The following ADRA1A variants were observed in gnomAD, a reference collection of about 807,000 sequenced individuals.
ADRA1A encodes the protein adrenoceptor alpha 1A, also known as alpha-1A adrenergic receptor.
In ADRA1A, 31 loss-of-function variants were observed where a neutral mutation model predicts 29.6. That is an observed-to-expected ratio of 1.05 (90% confidence interval 0.79 to 1.41). ADRA1A has a LOEUF of 1.41. ADRA1A is among the 40% of genes most tolerant of loss of function. The pLI, the probability that ADRA1A is intolerant of heterozygous loss-of-function variation, is 0.00. For missense variants in ADRA1A, 619 were observed against 601.1 expected (o/e 1.03, Z -0.31); for synonymous variants, 311 against 254.3 (o/e 1.22, Z -2.12).
chr8:26,854,587 G>C (rs1036278759), intron 2 of ADRA1A: 1 of 152,256 alleles, frequency 6.6e-6, no homozygotes, highest in African/African-American at 2.4e-5. Context: ...CTGAGACTGG[G>C]ATGGAAACAT....
Position 26,770,195 on chromosome 8 carries a change from A to T in ADRA1A, c.1355T>A (p.Ile452Asn), listed in dbSNP as rs1357081338. The T allele has an allele frequency of 6.3e-7, 1 of 1,592,340 alleles. No individual in the cohort carries two copies. Among genetic ancestry groups the T allele is most frequent in the Admixed American group, 1.7e-5 (1 of 58,742 alleles). ...SLDKNHQVPTIKVHTISLSEN... is the reference protein window; with the variant it reads ...SLDKNHQVPTNKVHTISLSEN... ...ACTGAGGGAGATGGTGTGGACCTTA[A>T]TGGTTGGAACTTGATGGTTCTTGTC... The change falls in exon 3 of 3, where the codon ATT (isoleucine) becomes AAT (asparagine). Residue 452 changes from isoleucine (I) to asparagine (N), a missense_variant. Transcript: ENST00000380573.
intron 2 of ADRA1A, among the ~76,000 whole-genome samples, chr8:26,843,582 T>C (rs1811988469): frequency 6.6e-6 from 1 of 152,208 alleles, no homozygotes; most frequent in South Asian, 2.1e-4. Context: ...TAAAACTATG[T>C]AGACAAAATT....
intron 2 of ADRA1A, among the ~76,000 whole-genome samples, chr8:26,819,626 C>T (rs1810016498): frequency 6.6e-6 from 1 of 151,696 alleles, no homozygotes; most frequent in South Asian, 2.1e-4. Flanking sequence ...TTAGTAGATA[C>T]ACAGAAGATA....
intron 2 of ADRA1A, among the ~76,000 whole-genome samples, chr8:26,835,604 G>C (rs1811290120): frequency 6.6e-6 from 1 of 152,036 alleles, no homozygotes; most frequent in Non-Finnish European, 1.5e-5. Flanking sequence ...AATAGCATGG[G>C]GGAAACTGCC....
intron 2 of ADRA1A, among the ~76,000 whole-genome samples, chr8:26,861,815 G>A (rs958042080): frequency 6.6e-6 from 1 of 152,038 alleles, no homozygotes; most frequent in Admixed American, 6.6e-5. Flanking sequence ...AACTTTACCT[G>A]TAAAATAAGT....
rs1806019636 is a variant in ADRA1A, at chr8:26,770,047, TTTGA to T, written c.*98_*101del. On this transcript the variant is annotated 3_prime_UTR_variant, in exon 3 of 3. Coordinates refer to ENST00000380573, the MANE Select transcript of ADRA1A (RefSeq NM_000680.4). ...CACCCCATTCCCAGCAGGTCCCCTC[TTTGA>T]TTGGTCCTGTCTTGTCCTCCAAGAA... 4.0e-6 allele frequency: 6 copies of T among 1,485,172 alleles called. No individual in the cohort carries two copies. Among genetic ancestry groups the T allele is most frequent in the African/African-American group, 1.4e-5 (1 of 71,504 alleles). 92.0% of individuals were successfully genotyped at this position (1,485,172 alleles called of 1,614,324 possible).
intron 2 of ADRA1A, among the ~76,000 whole-genome samples, chr8:26,773,972 G>T (rs1384324502): frequency 3.3e-5 from 5 of 152,208 alleles, no homozygotes. Flanking sequence ...GGGTGAGAAA[G>T]AGAGTTGATT....
chr8:26,792,670 A>T (rs530808698), intron 2 of ADRA1A, among the ~76,000 whole-genome samples: 162 of 147,958 alleles, frequency 1.1e-3, no homozygotes, highest in African/African-American at 4.0e-3. Flanking sequence ...TGTAAGCATC[A>T]AATGAATTAA....
Position 26,776,013 on chromosome 8 carries a change from G to A in ADRA1A, c.884-5347C>T, listed in dbSNP as rs536744343. ...GGGCTCATCTAATAGGCTTATGAGG[G>A]GGCACTAGGAGGCATCCCAGTAAAG... On this transcript the variant is annotated intron_variant, in intron 2 of 2. Transcript: ENST00000380573. Among the ~76,000 whole-genome samples the A allele has an allele frequency of 2.6e-5, 4 of 152,274 alleles. No homozygotes were observed. In the South Asian group the frequency reaches 8.3e-4, roughly 32 times the overall value.
chr8:26,853,109 A>G (rs1291287889), intron 2 of ADRA1A, among the ~76,000 whole-genome samples: 3 of 150,328 alleles, frequency 2.0e-5, no homozygotes, highest in African/African-American at 4.8e-5. Flanking sequence ...ATTCATTTTT[A>G]TTGAATAATA....
chr8:26,843,960 T>C (rs1266875132), intron 2 of ADRA1A, among the ~76,000 whole-genome samples: 1 of 152,234 alleles, frequency 6.6e-6, no homozygotes. Flanking sequence ...TCCCTTTGTG[T>C]TTTTCTAATC....
intron 2 of ADRA1A, among the ~76,000 whole-genome samples, chr8:26,818,215 G>C (rs1465257174): frequency 1.3e-5 from 2 of 152,142 alleles, no homozygotes; most frequent in Admixed American, 1.3e-4. Flanking sequence ...AATTTCTGTG[G>C]GTAATAGAAC....
rs975250850 is a variant in ADRA1A at position 26,775,106 on chromosome 8, C to G, written c.884-4440G>C. 4.6e-5 allele frequency among the ~76,000 whole-genome samples: 7 copies of G among 152,182 alleles called. No individual in the cohort carries two copies. Among genetic ancestry groups the G allele is most frequent in the African/African-American group, 1.7e-4 (7 of 41,452 alleles). On this transcript the variant is annotated intron_variant, in intron 2 of 2. Coordinates refer to ENST00000380573, the MANE Select transcript of ADRA1A (RefSeq NM_000680.4). This position sits in a 1 kb window ranked among gnomAD's most constrained non-coding sequence, Gnocchi z 4.1. ...GCAGCCATCCGGCCGGCTTTGCTCA[C>G]TCACGGAGCTCCAGAATCCAGTAAA...
chr8:26,770,754 T>C, intron 2 of ADRA1A, 88 bp from the exon 3 acceptor site: 1 of 1,480,224 alleles, frequency 6.8e-7, no homozygotes, highest in East Asian at 2.3e-5. Flanking sequence ...CATCTTTCTG[T>C]ATTTTTAAAC....
intron 2 of ADRA1A, among the ~76,000 whole-genome samples, chr8:26,776,817 T>TA (rs1563243953): frequency 6.6e-6 from 1 of 152,256 alleles, no homozygotes; most frequent in South Asian, 2.1e-4. Flanking sequence ...GATCTCAATT[T>TA]AAAAAAATGT....
In ADRA1A at chr8:26,821,205, A is replaced by G. The variant is rs781678164; in HGVS notation, c.883+42882T>C. Reference sequence around the variant, plus strand: ...ACGCCTGGCCACATTAGGCCATTTTAGTGTTGCTATGAAGAAATACCCGAG... The same window carrying G: ...ACGCCTGGCCACATTAGGCCATTTTGGTGTTGCTATGAAGAAATACCCGAG... On this transcript the variant is annotated intron_variant, in intron 2 of 2. Coordinates refer to ENST00000380573, the MANE Select transcript of ADRA1A (RefSeq NM_000680.4). The surrounding 1 kb of genome is among the most constrained non-coding windows in gnomAD (Gnocchi z 5.6). 6.6e-6 allele frequency among the ~76,000 whole-genome samples: 1 copy of G among 152,092 alleles called. No homozygotes were observed. Among genetic ancestry groups the G allele is most frequent in the Non-Finnish European group, 1.5e-5 (1 of 68,016 alleles).
At position 26,865,322 on chromosome 8, in the gene ADRA1A, G is replaced by C; in HGVS notation, c.-353C>G. On this transcript the variant is annotated 5_prime_UTR_variant, in exon 2 of 3. Transcript: ENST00000380573. This position sits in a 1 kb window ranked among gnomAD's most constrained non-coding sequence, Gnocchi z 7.6. ...AGACTCCTTGCAACATGCAATTCCA[G>C]AATTACGAGAATCTGCTTTTCCGCG... The C allele has an allele frequency of 9.0e-7, 1 of 1,106,566 alleles. No homozygotes were observed. The highest frequency in any genetic ancestry group is 1.1e-6 in the Non-Finnish European group (1 of 907,124). 68.5% of individuals were successfully genotyped at this position (1,106,566 alleles called of 1,614,324 possible). A position where few individuals can be genotyped will look rare whatever the true frequency, so the allele number is the denominator to read the frequency against.
chr8:26,751,417 A>G (rs1804923787), downstream of ADRA1A, among the ~76,000 whole-genome samples: 2 of 152,244 alleles, frequency 1.3e-5, no homozygotes, highest in African/African-American at 4.8e-5. Flanking sequence ...ATAGGCTGGC[A>G]GGATGATTTG....
In ADRA1A at chr8:26,865,018, G is replaced by C. The variant is rs34259227; in HGVS notation, c.-49C>G. 9 of 1,529,272 alleles carry C rather than the reference G, an allele frequency of 5.9e-6. No individual in the cohort carries two copies. In the South Asian group the frequency reaches 1.0e-4, roughly 17 times the overall value. The allele number at this position is 1,529,272 out of a possible 1,614,324, so 94.7% of individuals were successfully genotyped here. ...GTCCGGCTGTCCAGGGCCACCTCCC[G>C]GGCTGGCGCGGAGGCGGGAGCGCGG... On this transcript the variant is annotated 5_prime_UTR_variant, in exon 2 of 3. Transcript: ENST00000380573. This position sits in a 1 kb window ranked among gnomAD's most constrained non-coding sequence, Gnocchi z 7.6.
Sources: allele counts gnomAD v4.1 joint callset (sites outside exome capture counted in the v4.1 genomes callset), GRCh38; gene constraint gnomAD v4.1.1; non-coding constraint Gnocchi (gnomAD v3.1); transcripts MANE v1.5; gene names NCBI Gene and HGNC (gene_info 2026-07-23, HGNC 2026-07-21).